DNAAF10: variants seen among roughly 807,000 people sequenced by gnomAD.
DNAAF10 encodes the protein WD repeat domain 92.
Under a neutral mutation model 43.7 loss-of-function variants are expected in DNAAF10, and 28 were observed. That is an observed-to-expected ratio of 0.64 (90% CI 0.48 to 0.88). DNAAF10 has a LOEUF of 0.88. DNAAF10 is among the 40% of genes least tolerant of loss of function. DNAAF10 has a pLI of 0.00. For synonymous variants in DNAAF10, 156 were observed against 157.3 expected, an observed-to-expected ratio of 0.99 and a Z score of 0.06; for missense variants, 403 against 439.1, an observed-to-expected ratio of 0.92 and a Z score of 0.73.
chr2:68,141,383 T>G (rs1033057380), intron 4 of DNAAF10, among the ~76,000 whole-genome samples: 1 of 152,246 alleles, frequency 6.6e-6, no homozygotes, highest in Non-Finnish European at 1.5e-5. Context: ...GCACTTTACA[T>G]GTAATTAACT....
chr2:68,155,819 A>G (rs1189312004), intron 1 of DNAAF10, among the ~76,000 whole-genome samples: 1 of 152,062 alleles, frequency 6.6e-6, no homozygotes, highest in Non-Finnish European at 1.5e-5. Context: ...ACAGGTAGCC[A>G]GGCTTGGTGG....
chr2:68,134,799 C>G lies in DNAAF10; in HGVS notation c.769G>C (p.Ala257Pro). 4.3e-6 allele frequency: 7 copies of G among 1,613,220 alleles called. No homozygotes were observed. Among genetic ancestry groups the G allele is most frequent in the Non-Finnish European group, 5.9e-6 (7 of 1,179,768 alleles). ...ACCTGCCACACAGTAGATTTATGAG[C>G]CTAAATAGAACAAGAGGCATACAAC... ...TKGFASVSEK[A>P]HKSTVWQVRH... is the part of the protein sequence containing the mutation. Residue 257 changes from alanine (A) to proline (P), a missense_variant and splice_region_variant, in exon 7 of 8, where the codon GCT becomes CCT. Coordinates refer to ENST00000295121, the MANE Select transcript of DNAAF10 (RefSeq NM_138458.4).
chr2:68,130,166 T>C lies in DNAAF10; in HGVS notation c.*1072A>G, dbSNP rs1672899727. On this transcript the variant is annotated 3_prime_UTR_variant, in exon 8 of 8. Transcript: ENST00000295121. ...TTTTTTTTGAGACGGAGTCTCACTC[T>C]GTCGCCAGGGCTGGAGTGCAGTGGC... The C allele has an allele frequency of 6.8e-6, 1 of 146,480 alleles. No individual in the cohort carries two copies. The highest frequency in any genetic ancestry group is 1.5e-5 in the Non-Finnish European group (1 of 66,838). 9.1% of individuals were successfully genotyped at this position (146,480 alleles called of 1,614,324 possible). A position where few individuals can be genotyped will look rare whatever the true frequency, so the allele number is the denominator to read the frequency against.
intron 4 of DNAAF10, among the ~76,000 whole-genome samples, chr2:68,139,081 T>C (rs985646223): frequency 6.6e-6 from 1 of 152,194 alleles, no homozygotes; most frequent in Non-Finnish European, 1.5e-5. Flanking sequence ...GTTTGGATAT[T>C]TGTCCCCCCA....
Position 68,130,586 on chromosome 2 carries a change from A to G in DNAAF10, c.*652T>C, listed in dbSNP as rs1672908635. On this transcript the variant is annotated 3_prime_UTR_variant, in exon 8 of 8. Transcript: ENST00000295121. ...CCACCACAACATTATAGACACTAAA[A>G]CATAACACAAGCATAAAGATAAAAT... 1 of 152,718 alleles carries G rather than the reference A, an allele frequency of 6.5e-6. No homozygotes were observed. Among genetic ancestry groups the G allele is most frequent in the Non-Finnish European group, 1.5e-5 (1 of 68,112 alleles). 9.5% of individuals were successfully genotyped at this position (152,718 alleles called of 1,614,324 possible). A position where few individuals can be genotyped will look rare whatever the true frequency, so the allele number is the denominator to read the frequency against.
At chr2:68,154,439 G>T (rs1268385546) in intron 1 of DNAAF10, among the ~76,000 whole-genome samples, 1 of 151,816 alleles carries the variant, frequency 6.6e-6, no homozygotes, top group Non-Finnish European at 1.5e-5. Flanking sequence ...GTAGAGACGG[G>T]GTTTCACCGT....
chr2:68,137,084 A>G (rs1463399246), intron 6 of DNAAF10, among the ~76,000 whole-genome samples: 1 of 152,208 alleles, frequency 6.6e-6, no homozygotes, highest in African/African-American at 2.4e-5. Flanking sequence ...TAAGATTCCT[A>G]CCTGAGATCT....
At chr2:68,139,633 A>G (rs1485584175) in intron 4 of DNAAF10, among the ~76,000 whole-genome samples, 62 of 151,426 alleles carry the variant, frequency 4.1e-4, no homozygotes, top group South Asian at 6.3e-4. Context: ...AAAAAAAAAA[A>G]AAAAGAAAAA....
intron 1 of DNAAF10, among the ~76,000 whole-genome samples, chr2:68,152,985 T>C (rs1038673119): frequency 6.6e-6 from 1 of 152,026 alleles, no homozygotes; most frequent in Non-Finnish European, 1.5e-5. Flanking sequence ...TTATTGCTAT[T>C]TTTTTTAATA....
chr2:68,155,672 C>A (rs959367061), intron 1 of DNAAF10, among the ~76,000 whole-genome samples: 1 of 151,640 alleles, frequency 6.6e-6, no homozygotes. Context: ...CGGACTGGGA[C>A]AGAGCTACGC....
intron 1 of DNAAF10, among the ~76,000 whole-genome samples, chr2:68,154,999 C>T (rs575162788): frequency 9.2e-4 from 140 of 152,036 alleles, no homozygotes; most frequent in Non-Finnish European, 1.7e-3. Context: ...GTCTTGAACT[C>T]CTGGGCTCAA....
At chr2:68,132,274 C>T (rs1672943995) in intron 7 of DNAAF10, among the ~76,000 whole-genome samples, 2 of 151,948 alleles carry the variant, frequency 1.3e-5, no homozygotes, top group Non-Finnish European at 2.9e-5. Flanking sequence ...TGGCAAAGGC[C>T]AAGAACGTAA....
At chr2:68,134,549 C>A in intron 7 of DNAAF10, 153 bp downstream of exon 7, 1 of 1,485,268 alleles carries the variant, frequency 6.7e-7, no homozygotes, top group East Asian at 2.6e-5. Context: ...ATACAAAATG[C>A]TTAGAAAACA....
intron 2 of DNAAF10, 23 bp downstream of exon 2, chr2:68,147,444 G>C (rs17035030): frequency 2.8e-5 from 44 of 1,570,134 alleles, no homozygotes; most frequent in Middle Eastern, 1.7e-4. Context: ...TCATCTGTCT[G>C]AATACTGACT....
intron 7 of DNAAF10, chr2:68,134,445 AACTTTTTCATACTTAGAAGAC>A: frequency 8.8e-6 from 11 of 1,247,590 alleles, no homozygotes; most frequent in Non-Finnish European, 1.0e-5. Context: ...GTCTTGGGCC[AACTTTTTCATACTTAGAAGAC>A]ACAACTAAAA....
At chr2:68,156,491 C>T (rs958085722) in intron 1 of DNAAF10, among the ~76,000 whole-genome samples, 2 of 152,174 alleles carry the variant, frequency 1.3e-5, no homozygotes, top group Non-Finnish European at 2.9e-5. Flanking sequence ...TTCTCTAATT[C>T]TTTCACTAGT....
intron 4 of DNAAF10, among the ~76,000 whole-genome samples, chr2:68,141,161 G>T (rs1673168744): frequency 6.6e-6 from 1 of 152,128 alleles, no homozygotes; most frequent in Non-Finnish European, 1.5e-5. Flanking sequence ...ATTAATGAAG[G>T]AATACAGTTA....
At chr2:68,155,081 T>A (rs2103643866) in intron 1 of DNAAF10, among the ~76,000 whole-genome samples, 1 of 152,182 alleles carries the variant, frequency 6.6e-6, no homozygotes. Flanking sequence ...CTGTTCTTAT[T>A]TTAAAAAGTC....
chr2:68,134,894 CA>C (rs1340569433), intron 6 of DNAAF10, 95 bp from the exon 7 acceptor site: 2 of 1,369,664 alleles, frequency 1.5e-6, no homozygotes, highest in South Asian at 1.3e-5. Flanking sequence ...ACTATAATTT[CA>C]ATGGTTATAA....
Sources: allele counts gnomAD v4.1 joint callset (sites outside exome capture counted in the v4.1 genomes callset), GRCh38; gene constraint gnomAD v4.1.1; transcripts MANE v1.5; gene names NCBI Gene and HGNC (gene_info 2026-07-23, HGNC 2026-07-21).